The following ZNF804A variants were observed in gnomAD, a reference collection of about 807,000 sequenced individuals.
ZNF804A encodes zinc finger protein 804A.
In ZNF804A, 2 loss-of-function variants were observed where a neutral mutation model predicts 16.5. That is an observed-to-expected ratio of 0.12 (90% CI 0.05 to 0.38). The LOEUF is 0.38. Ranked by LOEUF, ZNF804A falls within the 10% of genes least tolerant of loss-of-function variation. ZNF804A has a pLI of 0.99. For synonymous variants in ZNF804A, 534 were observed against 489.6 expected (o/e 1.09, Z -1.20); for missense variants, 1,473 against 1,390.7 (o/e 1.06, Z -0.94).
At chr2:184,865,669 C>G (rs74817741) in intron 1 of ZNF804A, among the ~76,000 whole-genome samples, 2 of 152,228 alleles carry the variant, frequency 1.3e-5, no homozygotes, top group African/African-American at 4.8e-5. Flanking sequence ...ATATGTTCAT[C>G]TTCTCAGGGG....
intron 1 of ZNF804A, among the ~76,000 whole-genome samples, chr2:184,744,402 A>T (rs939478485): frequency 6.6e-6 from 1 of 151,834 alleles, no homozygotes; most frequent in African/African-American, 2.4e-5. Context: ...TAGTGCCTTT[A>T]AAAAGTGATT....
intron 1 of ZNF804A, among the ~76,000 whole-genome samples, chr2:184,749,886 A>G (rs1385389180): frequency 6.6e-6 from 1 of 151,304 alleles, no homozygotes; most frequent in African/African-American, 2.4e-5. Flanking sequence ...AATACTAACT[A>G]TTACAAAAGA....
At position 184,938,738 on chromosome 2, in the gene ZNF804A, T is replaced by A. The variant is rs111695281; in HGVS notation, c.3342T>A (p.Ala1114=). The A allele has an allele frequency of 1.2e-6, 2 of 1,608,372 alleles. No individual in the cohort carries two copies. The highest frequency in any genetic ancestry group is 1.7e-5 in the Admixed American group (1 of 59,634). ...ACGCTGCAGCTGCTGCAGCTGCAGC[T>A]GCAGCCGCAGCTGCAGGAACCTTTA... is the stretch of plus-strand genomic sequence containing the variant. ...QQHAAAAAAA[A]AAAAAGTFKV... The change falls in exon 4 of 4, where the codon GCT becomes GCA. Residue 1114 remains alanine, a synonymous_variant. Transcript: ENST00000302277.
At chr2:184,702,794 C>T (rs1179058394) in intron 1 of ZNF804A, among the ~76,000 whole-genome samples, 2 of 152,030 alleles carry the variant, frequency 1.3e-5, no homozygotes, top group Non-Finnish European at 2.9e-5. Context: ...TATGGAGTCA[C>T]GTTTACATAG....
At chr2:184,779,804 T>C (rs1303779780) in intron 1 of ZNF804A, among the ~76,000 whole-genome samples, 2 of 151,738 alleles carry the variant, frequency 1.3e-5, no homozygotes, top group African/African-American at 4.8e-5. Context: ...CCTGGTGAGA[T>C]ACATTTTGAA....
chr2:184,751,023 A>T (rs1693869635), intron 1 of ZNF804A, among the ~76,000 whole-genome samples: 1 of 151,522 alleles, frequency 6.6e-6, no homozygotes, highest in Admixed American at 6.6e-5. Context: ...CCTGTTTTTA[A>T]GACAATAATA....
intron 1 of ZNF804A, among the ~76,000 whole-genome samples, chr2:184,689,531 G>A (rs189471193): frequency 1.3e-5 from 2 of 152,122 alleles, no homozygotes; most frequent in East Asian, 3.9e-4. Context: ...AAAGCTATTA[G>A]TGAAAATAAT....
chr2:184,891,397 G>A (rs1292385255), intron 2 of ZNF804A, among the ~76,000 whole-genome samples: 2 of 152,090 alleles, frequency 1.3e-5, no homozygotes, highest in African/African-American at 4.8e-5. Context: ...TTATACCAAT[G>A]TTGGCAGGGT....
At chr2:184,599,108 T>A in intron 1 of ZNF804A, 38 bp downstream of exon 1, 1 of 1,398,404 alleles carries the variant, frequency 7.2e-7, no homozygotes, top group Non-Finnish European at 1.0e-6. Flanking sequence ...TCTCTCATAT[T>A]TAAGAGGGCA....
intron 1 of ZNF804A, among the ~76,000 whole-genome samples, chr2:184,605,712 G>A (rs1476458748): frequency 6.6e-6 from 1 of 152,110 alleles, no homozygotes; most frequent in Non-Finnish European, 1.5e-5. Flanking sequence ...CACCATTTAT[G>A]TAAGGGACTT....
chr2:184,938,572 A>C lies in ZNF804A; in HGVS notation c.3176A>C (p.Asn1059Thr). Residue 1059 changes from asparagine to threonine, a missense_variant, in exon 4 of 4, where the codon AAC (asparagine) becomes ACC (threonine). Coordinates refer to ENST00000302277, the MANE Select transcript of ZNF804A (RefSeq NM_194250.2). ...GTCTACCAGCACATTCTGCAGCCAA[A>C]CATGCTGGCCAACAAGGTTAAATTT... ...CEVYQHILQP[N>T]MLANKVKFTF... 6.2e-7 allele frequency: 1 copy of C among 1,614,066 alleles called. No homozygotes were observed. The highest frequency in any genetic ancestry group is 1.1e-5 in the South Asian group (1 of 91,074).
At chr2:184,652,807 G>T (rs1692010874) in intron 1 of ZNF804A, among the ~76,000 whole-genome samples, 2 of 151,462 alleles carry the variant, frequency 1.3e-5, no homozygotes, top group South Asian at 4.1e-4. Flanking sequence ...TTAGATTATG[G>T]GGGCAGTTCC....
chr2:184,866,692 T>TA (rs1301517985), intron 2 of ZNF804A, among the ~76,000 whole-genome samples, 180 bp downstream of exon 2: 10 of 142,166 alleles, frequency 7.0e-5, no homozygotes, highest in South Asian at 6.6e-4. Context: ...TTTTTTTTTT[T>TA]AAAAAAAAAG....
intron 1 of ZNF804A, among the ~76,000 whole-genome samples, chr2:184,824,015 C>G (rs1695124126): frequency 6.6e-6 from 1 of 152,024 alleles, no homozygotes; most frequent in Non-Finnish European, 1.5e-5. Flanking sequence ...TTTATTTCCT[C>G]CATTGTAAGA....
intron 1 of ZNF804A, among the ~76,000 whole-genome samples, chr2:184,613,708 C>T (rs1202393554): frequency 6.6e-6 from 1 of 151,954 alleles, no homozygotes; most frequent in Non-Finnish European, 1.5e-5. Context: ...AATAAAATAC[C>T]TAGGAATACA....
chr2:184,659,591 C>T (rs1692134872), intron 1 of ZNF804A, among the ~76,000 whole-genome samples: 1 of 151,430 alleles, frequency 6.6e-6, no homozygotes. Flanking sequence ...TTGTAAAAAC[C>T]CACAAAGTCT....
intron 1 of ZNF804A, among the ~76,000 whole-genome samples, chr2:184,769,483 A>C (rs1005926877): frequency 5.3e-5 from 8 of 152,088 alleles, no homozygotes; most frequent in African/African-American, 1.9e-4. Flanking sequence ...GTATCTCAAC[A>C]TGTTGAAGCG....
intron 1 of ZNF804A, among the ~76,000 whole-genome samples, chr2:184,757,325 C>T (rs1693973810): frequency 6.6e-6 from 1 of 151,942 alleles, no homozygotes; most frequent in South Asian, 2.1e-4. Flanking sequence ...ATTTTCCTTT[C>T]CACACACTCT....
chr2:184,755,257 G>A (rs1189147750), intron 1 of ZNF804A, among the ~76,000 whole-genome samples: 3 of 151,676 alleles, frequency 2.0e-5, no homozygotes, highest in Non-Finnish European at 4.4e-5. Flanking sequence ...TTATAATGTC[G>A]ACCTACTAGA....
Sources: gnomAD v4.1 joint callset for allele counts (sites outside exome capture counted in the v4.1 genomes callset) on GRCh38, gnomAD v4.1.1 for gene constraint, MANE v1.5 for transcripts, NCBI Gene and HGNC (gene_info 2026-07-23, HGNC 2026-07-21) for gene names.